The following PIK3R5 variants were observed in gnomAD, a reference collection of about 807,000 sequenced individuals.
PIK3R5 encodes phosphoinositide 3-kinase regulatory subunit 5.
A neutral mutation model predicts 94.9 loss-of-function variants in PIK3R5; 32 were observed. The ratio of observed to expected loss-of-function variants is 0.34; its 90% CI spans 0.25 to 0.45. The LOEUF is 0.45. PIK3R5 is among the 20% of genes least tolerant of loss of function. PIK3R5 has a pLI of 1.00. For synonymous variants in PIK3R5, 443 were observed against 479.4 expected, an observed-to-expected ratio of 0.92 and a Z score of 0.99; for missense variants, 853 against 1,144.6, an observed-to-expected ratio of 0.75 and a Z score of 3.68.
intron 1 of PIK3R5, among the ~76,000 whole-genome samples, chr17:8,924,492 T>C (rs1396748103): frequency 6.6e-6 from 1 of 152,234 alleles, no homozygotes; most frequent in African/African-American, 2.4e-5. Context: ...CTGTGACTTC[T>C]AGATGCTTTA....
chr17:8,934,808 A>G (rs1332544311), intron 1 of PIK3R5, among the ~76,000 whole-genome samples: 1 of 152,218 alleles, frequency 6.6e-6, no homozygotes, highest in African/African-American at 2.4e-5. Context: ...GAGAAAGCAT[A>G]TCTGATTACA....
rs1310442528 is a variant in PIK3R5, at chr17:8,888,359, G to C, written c.1428C>G (p.Ser476=). ...CGAGTTTGGGCTGGGGCAGGGAGCG[G>C]GAGCGCTGGGCCCGGGAAGGGGGTG... ...PVSPPSRAQR[S]RSLPQPKLGT... is the part of the protein sequence containing the mutation. Residue 476 remains serine, a synonymous_variant, in exon 10 of 19, where the codon TCC becomes TCG. Transcript: ENST00000447110. This position sits in a 1 kb window ranked among gnomAD's most constrained non-coding sequence, Gnocchi z 7.8. The C allele has an allele frequency of 6.2e-7, 1 of 1,610,756 alleles. No individual in the cohort carries two copies. The highest frequency in any genetic ancestry group is 1.3e-5 in the African/African-American group (1 of 74,906).
In PIK3R5 at chr17:8,889,383, G is replaced by A. The variant is rs973228967; in HGVS notation, c.812-161C>T. Reference sequence around the variant, plus strand: ...GGCTGAGTTACAGCCAGGGTGCCAGGCTCCAAGCCAGAGGCCCTTCTTTCA... The same window carrying A: ...GGCTGAGTTACAGCCAGGGTGCCAGACTCCAAGCCAGAGGCCCTTCTTTCA... On this transcript the variant is annotated intron_variant, in intron 8 of 18. Coordinates refer to ENST00000447110, the MANE Select transcript of PIK3R5 (RefSeq NM_001142633.3). This position sits in a 1 kb window ranked among gnomAD's most constrained non-coding sequence, Gnocchi z 4.1. 2.6e-5 allele frequency among the ~76,000 whole-genome samples: 4 copies of A among 152,198 alleles called. No homozygotes were observed. The highest frequency in any genetic ancestry group is 5.9e-5 in the Non-Finnish European group (4 of 68,042).
At chr17:8,917,367 C>A (rs920871570) in intron 1 of PIK3R5, among the ~76,000 whole-genome samples, 1 of 152,138 alleles carries the variant, frequency 6.6e-6, no homozygotes, top group African/African-American at 2.4e-5. Context: ...AAGTGGGAGA[C>A]AAGCAATAAC....
intron 5 of PIK3R5, among the ~76,000 whole-genome samples, chr17:8,902,927 C>T (rs766056906): frequency 6.7e-6 from 1 of 149,746 alleles, no homozygotes; most frequent in Admixed American, 6.6e-5. Context: ...GGCACTTGAA[C>T]CTCCACCTCC....
intron 1 of PIK3R5, among the ~76,000 whole-genome samples, chr17:8,921,571 T>C (rs988331678): frequency 6.6e-6 from 1 of 152,030 alleles, no homozygotes; most frequent in African/African-American, 2.4e-5. Flanking sequence ...AATATAGAAA[T>C]CAATATTATC....
chr17:8,894,574 C>T (rs993420062), intron 5 of PIK3R5, among the ~76,000 whole-genome samples: 1 of 152,214 alleles, frequency 6.6e-6, no homozygotes, highest in African/African-American at 2.4e-5. Context: ...CTCTGACTTC[C>T]AAATGCTGAG....
At chr17:8,891,014 G>C in intron 6 of PIK3R5, 102 bp from the exon 7 acceptor site, 2 of 1,169,218 alleles carry the variant, frequency 1.7e-6, no homozygotes, top group Non-Finnish European at 1.2e-6. Flanking sequence ...ACTGAGACCA[G>C]GGCCTCCTCA....
intron 14 of PIK3R5, 145 bp downstream of exon 14, chr17:8,886,077 CTCCCGGT>C: frequency 1.6e-6 from 1 of 638,174 alleles, no homozygotes; most frequent in Non-Finnish European, 2.8e-6. Context: ...ATGGCCCCAC[CTCCCGGT>C]AACCCCGTCT....
In PIK3R5 at chr17:8,886,606, C is replaced by T; in HGVS notation, c.1906-1G>A. The T allele has an allele frequency of 6.3e-7, 1 of 1,583,180 alleles. No individual in the cohort carries two copies. Among genetic ancestry groups the T allele is most frequent in the South Asian group, 1.2e-5 (1 of 85,714 alleles). The stretch of plus-strand genomic sequence containing the variant: ...CCTGGGCTTCAGCCTTCAGGGACTG[C>T]TGTGGCCAGAGGGAAGGGGCAGCCA... On this transcript the variant is annotated splice_acceptor_variant, in intron 12 of 18. Coordinates refer to ENST00000447110, the MANE Select transcript of PIK3R5 (RefSeq NM_001142633.3). LOFTEE classifies it high-confidence loss of function.
rs1458057392 is a variant in PIK3R5, at chr17:8,911,423, G to A, written c.72C>T (p.Leu24=). The change falls in exon 2 of 19, where the codon CTC becomes CTT. Residue 24 remains leucine, a synonymous_variant. Transcript: ENST00000447110. The surrounding 1 kb of genome is among the most constrained non-coding windows in gnomAD (Gnocchi z 5.3). ...AGGAGGTGGAGCGGCGGCTGAGGCT[G>A]AGTCCATGCAGGCAGCGTTCCAGGG... The part of the protein sequence containing the change: ...QHALERCLHG[L]SLSRRSTSWS... 2 of 1,599,960 alleles carry A rather than the reference G, an allele frequency of 1.3e-6. No individual in the cohort carries two copies. The highest frequency in any genetic ancestry group is 8.5e-7 in the Non-Finnish European group (1 of 1,179,892).
At chr17:8,899,142 A>C (rs1379734646) in intron 5 of PIK3R5, among the ~76,000 whole-genome samples, 1 of 152,216 alleles carries the variant, frequency 6.6e-6, no homozygotes, top group Non-Finnish European at 1.5e-5. Context: ...GGTGGGCAGG[A>C]CCCAGTGGCA....
At chr17:8,933,329 G>T (rs2091018872) in intron 1 of PIK3R5, among the ~76,000 whole-genome samples, 1 of 151,998 alleles carries the variant, frequency 6.6e-6, no homozygotes, top group African/African-American at 2.4e-5. Flanking sequence ...TCAAAGGGTT[G>T]GGAAGTGAAG....
chr17:8,887,686 G>A lies in PIK3R5; in HGVS notation c.1617-3C>T, dbSNP rs1247328860. 5 of 1,588,412 alleles carry A rather than the reference G, an allele frequency of 3.1e-6. No individual in the cohort carries two copies. The South Asian group carries it at 5.7e-5, about 18-fold the overall frequency. On this transcript the variant is annotated splice_region_variant and splice_polypyrimidine_tract_variant and intron_variant, in intron 10 of 18. Transcript: ENST00000447110. Reference sequence around the variant, plus strand: ...GTGGGCGATTGTTCTCCAGCCGCCTGGCAAGAAGAAGATGGTGAGAAGGGG... The same window carrying A: ...GTGGGCGATTGTTCTCCAGCCGCCTAGCAAGAAGAAGATGGTGAGAAGGGG...
chr17:8,924,100 A>G (rs1212173498), intron 1 of PIK3R5, among the ~76,000 whole-genome samples: 1 of 120,914 alleles, frequency 8.3e-6, no homozygotes, highest in Admixed American at 1.1e-4. Flanking sequence ...CCTTTTCAAG[A>G]CAGGGTCTTG....
intron 11 of PIK3R5, 142 bp from the exon 12 acceptor site, chr17:8,887,363 A>G (rs1363221675): frequency 3.0e-6 from 4 of 1,355,078 alleles, no homozygotes; most frequent in African/African-American, 2.9e-5. Flanking sequence ...AGTCTTTGTC[A>G]TATGGCAAAA....
intron 3 of PIK3R5, among the ~76,000 whole-genome samples, chr17:8,908,575 C>T (rs1169034273): frequency 1.2e-5 from 1 of 81,922 alleles, no homozygotes; most frequent in Non-Finnish European, 2.6e-5. Context: ...ACACACACAA[C>T]CATAAAAGAG....
At position 8,945,520 on chromosome 17, in the gene PIK3R5, G is replaced by A. The variant is rs904722230; in HGVS notation, c.-14+20076C>T. ...GCAGCAGTGGGAAGAGGAAGGCTGG[G>A]CATCACAGCAACCACCTTGCACTGG... On this transcript the variant is annotated intron_variant, in intron 1 of 18. Transcript: ENST00000447110. The surrounding 1 kb of genome is among the most constrained non-coding windows in gnomAD (Gnocchi z 4.0). 3.3e-5 allele frequency among the ~76,000 whole-genome samples: 5 copies of A among 152,198 alleles called. No homozygotes were observed. Among genetic ancestry groups the A allele is most frequent in the African/African-American group, 1.2e-4 (5 of 41,440 alleles).
At chr17:8,952,400 A>G (rs1295715835) in intron 1 of PIK3R5, among the ~76,000 whole-genome samples, 1 of 152,266 alleles carries the variant, frequency 6.6e-6, no homozygotes, top group East Asian at 1.9e-4. Context: ...TCTGACTTAA[A>G]GACCACACGG....
Sources: allele counts gnomAD v4.1 joint callset (sites outside exome capture counted in the v4.1 genomes callset), GRCh38; gene constraint gnomAD v4.1.1; non-coding constraint Gnocchi (gnomAD v3.1); transcripts MANE v1.5; gene names NCBI Gene and HGNC (gene_info 2026-07-23, HGNC 2026-07-21).